The following PDE10A variants were observed in gnomAD, a reference collection of about 807,000 sequenced individuals.
The protein encoded by PDE10A is phosphodiesterase 10A.
A neutral mutation model predicts 97.7 loss-of-function variants in PDE10A; 39 were observed. That is an observed-to-expected ratio of 0.40 (90% CI 0.31 to 0.52). The LOEUF (loss-of-function observed/expected upper bound fraction) is 0.52. PDE10A is among the 20% of genes least tolerant of loss of function. The probability of loss-of-function intolerance (pLI) is 0.56; values close to 1 mark genes in which losing one functional copy is unlikely to be tolerated. For synonymous variants in PDE10A, 371 were observed against 376.8 expected (o/e 0.98, Z 0.18); for missense variants, 731 against 1,047.8 (o/e 0.70, Z 4.17).
intron 13 of PDE10A, among the ~76,000 whole-genome samples, chr6:165,406,375 C>A (rs1414248498): frequency 6.6e-6 from 1 of 151,858 alleles, no homozygotes; most frequent in African/African-American, 2.4e-5. Flanking sequence ...GAAAACTTTT[C>A]TTGGGAATAT....
At chr6:165,513,945 T>C (rs2128303493) in intron 2 of PDE10A, among the ~76,000 whole-genome samples, 1 of 152,310 alleles carries the variant, frequency 6.6e-6, no homozygotes, top group Middle Eastern at 3.4e-3. Context: ...TTGTAAAAAA[T>C]ATAAGACAGT....
At chr6:165,645,776 C>T (rs1245260746) in intron 1 of PDE10A, among the ~76,000 whole-genome samples, 1 of 145,454 alleles carries the variant, frequency 6.9e-6, no homozygotes, top group East Asian at 2.0e-4. Flanking sequence ...ATTGCTTGAA[C>T]CTGGGAGGCA....
At chr6:165,705,827 G>A (rs1222443524) in intron 1 of PDE10A, among the ~76,000 whole-genome samples, 3 of 152,152 alleles carry the variant, frequency 2.0e-5, no homozygotes, top group Non-Finnish European at 4.4e-5. Context: ...TTTTAAATTT[G>A]CATTCAAAAC....
chr6:165,861,930 C>A (rs1780916975), intron 1 of PDE10A, among the ~76,000 whole-genome samples: 1 of 152,176 alleles, frequency 6.6e-6, no homozygotes, highest in Non-Finnish European at 1.5e-5. Flanking sequence ...GATCCCTGCC[C>A]TTCAGACTCT....
In PDE10A at chr6:165,685,504, A is replaced by T. The variant is rs558180442; in HGVS notation, c.-614-141936T>A. Among the ~76,000 whole-genome samples the T allele has an allele frequency of 9.2e-5, 14 of 152,260 alleles. No individual in the cohort carries two copies. The South Asian group carries it at 2.9e-3, about 32-fold the overall frequency. On this transcript the variant is annotated intron_variant, in intron 1 of 19. Transcript: ENST00000366882. ...AAAATCGGACACACTGTTAACTGTG[A>T]TTGAAATTAAATCAGGAAATTCTGC... is the stretch of plus-strand genomic sequence containing the variant.
intron 1 of PDE10A, among the ~76,000 whole-genome samples, chr6:165,718,789 T>G (rs1792091033): frequency 6.6e-6 from 1 of 152,178 alleles, no homozygotes; most frequent in Non-Finnish European, 1.5e-5. Flanking sequence ...GCCTTGCTCT[T>G]ACATAGGAAA....
At chr6:165,588,927 A>G (rs1786086230) in intron 1 of PDE10A, among the ~76,000 whole-genome samples, 1 of 152,202 alleles carries the variant, frequency 6.6e-6, no homozygotes, top group Admixed American at 6.5e-5. Context: ...CTCAACAAAT[A>G]TTTAAAATAA....
intron 1 of PDE10A, among the ~76,000 whole-genome samples, chr6:165,861,237 G>A (rs111372659): frequency 0.022 from 3,348 of 152,314 alleles, 66 homozygotes; most frequent in South Asian, 0.11. Context: ...GAATGTATTC[G>A]TTAGTTCAAT....
At chr6:165,728,608 G>T (rs1354581460) in intron 1 of PDE10A, among the ~76,000 whole-genome samples, 1 of 152,184 alleles carries the variant, frequency 6.6e-6, no homozygotes, top group Non-Finnish European at 1.5e-5. Context: ...GAGTGAAAAA[G>T]AAGGATGTCA....
intron 18 of PDE10A, among the ~76,000 whole-genome samples, chr6:165,355,413 T>C (rs1476510929): frequency 6.6e-6 from 1 of 152,198 alleles, no homozygotes; most frequent in Non-Finnish European, 1.5e-5. Flanking sequence ...ATCACTAACA[T>C]TATTGTTTTG....
exon 1 of PDE10A, chr6:165,987,711 G>A (rs781244678): frequency 9.2e-5 from 42 of 456,658 alleles, no homozygotes; most frequent in Non-Finnish European, 1.5e-4. Flanking sequence ...GGCCAAGTTC[G>A]GGACCTGTCC....
intron 1 of PDE10A, among the ~76,000 whole-genome samples, chr6:165,651,657 C>T (rs558903057): frequency 2.0e-4 from 30 of 152,298 alleles, no homozygotes; most frequent in Non-Finnish European, 3.5e-4. Context: ...TCAATCTTTT[C>T]TTTACTTCTG....
At chr6:165,656,256 T>TCACACA (rs1188857085) in intron 1 of PDE10A, among the ~76,000 whole-genome samples, 5 of 106,698 alleles carry the variant, frequency 4.7e-5, no homozygotes, top group Admixed American at 1.1e-4. Context: ...TCTCTCTCTC[T>TCACACA]CTCACACACA....
At chr6:165,667,406 T>A (rs561533672), upstream of PDE10A, among the ~76,000 whole-genome samples, 1 of 152,294 alleles carries the variant, frequency 6.6e-6, no homozygotes, top group South Asian at 2.1e-4. Flanking sequence ...ATTGCAGTTG[T>A]ATTATCACGT....
At chr6:165,577,859 G>C (rs1374215923) in intron 1 of PDE10A, among the ~76,000 whole-genome samples, 1 of 152,170 alleles carries the variant, frequency 6.6e-6, no homozygotes, top group African/African-American at 2.4e-5. Context: ...CCTACAGCTG[G>C]GGAGGGCCCG....
At chr6:165,369,640 T>C (rs547729555) in intron 18 of PDE10A, among the ~76,000 whole-genome samples, 39 of 143,306 alleles carry the variant, frequency 2.7e-4, no homozygotes, top group African/African-American at 5.9e-4. Flanking sequence ...TGGAACCAAG[T>C]TGGAAAACAC....
At chr6:165,555,693 A>G (rs956269098) in intron 1 of PDE10A, among the ~76,000 whole-genome samples, 13 of 152,212 alleles carry the variant, frequency 8.5e-5, no homozygotes, top group African/African-American at 3.1e-4. Flanking sequence ...ATTGAGAAGT[A>G]TCAAATCCAG....
chr6:165,536,047 C>T (rs899783572), intron 2 of PDE10A, among the ~76,000 whole-genome samples: 29 of 152,032 alleles, frequency 1.9e-4, no homozygotes, highest in African/African-American at 7.0e-4. Context: ...GGTGACATCA[C>T]ATTACCTGGT....
chr6:165,958,570 AC>A (rs1333322060), intron 1 of PDE10A, among the ~76,000 whole-genome samples: 4 of 19,116 alleles, frequency 2.1e-4, no homozygotes, highest in African/African-American at 8.7e-4. Context: ...AGAAAGACAG[AC>A]AGAAAGAAAG....
Sources: gnomAD v4.1 joint callset for allele counts (sites outside exome capture counted in the v4.1 genomes callset) on GRCh38, gnomAD v4.1.1 for gene constraint, MANE v1.5 for transcripts, NCBI Gene and HGNC (gene_info 2026-07-23, HGNC 2026-07-21) for gene names.